The following THBS4 variants were observed in gnomAD, a reference collection of about 807,000 sequenced individuals.
THBS4 encodes the protein thrombospondin 4.
THBS4 carries 90 observed loss-of-function variants against 115.7 expected under a neutral mutation model. The observed-to-expected ratio is 0.78, with a 90% confidence interval of 0.66 to 0.93. The LOEUF is 0.93. Ranked by LOEUF, THBS4 falls within the 40% of genes least tolerant of loss-of-function variation. THBS4 has a pLI of 0.00. For synonymous variants in THBS4, 460 were observed against 479.3 expected, an observed-to-expected ratio of 0.96 and a Z score of 0.53; for missense variants, 1,087 against 1,232.7, an observed-to-expected ratio of 0.88 and a Z score of 1.77.
chr5:80,016,278 G>A (rs755931420), intron 2 of THBS4, among the ~76,000 whole-genome samples: 5 of 152,168 alleles, frequency 3.3e-5, no homozygotes, highest in African/African-American at 1.2e-4. Flanking sequence ...GATTATATGT[G>A]CTCAGCTGGC....
intron 2 of THBS4, among the ~76,000 whole-genome samples, chr5:80,022,795 C>T (rs559892195): frequency 4.1e-4 from 62 of 152,334 alleles, no homozygotes; most frequent in Non-Finnish European, 6.9e-4. Context: ...TGCAGTACAT[C>T]TCTTTTTTCA....
chr5:80,071,912 T>C (rs1834075324), intron 13 of THBS4: 2 of 203,616 alleles, frequency 9.8e-6, no homozygotes, highest in Admixed American at 1.0e-4. Flanking sequence ...AGGGACACAA[T>C]GGACCCAGCT....
chr5:80,010,261 C>A (rs1039828725), intron 2 of THBS4, among the ~76,000 whole-genome samples: 1 of 152,162 alleles, frequency 6.6e-6, no homozygotes, highest in Non-Finnish European at 1.5e-5. Flanking sequence ...ACTACACTTT[C>A]CCCAACTCCA....
Position 80,059,736 on chromosome 5 carries a change from C to T in THBS4, c.818C>T (p.Thr273Met), listed in dbSNP as rs114966377. The T allele has an allele frequency of 9.3e-4, 1,508 of 1,614,184 alleles. 14 individuals carry two copies. In the African/African-American group the frequency reaches 0.018, roughly 19 times the overall value. The change falls in exon 7 of 22, where the codon ACG becomes ATG. Residue 273 changes from threonine to methionine, a missense_variant. Physicochemically the swap from Thr to Met is moderately conservative, Grantham distance 81. This residue lies in a region of THBS4 where 979 missense variants were observed against 1,103.7 expected (regional missense o/e 0.89). Coordinates refer to ENST00000350881, the MANE Select transcript of THBS4 (RefSeq NM_003248.6). The part of the protein sequence containing the change: ...PLKFQSPTPS[T>M]VVPPAPPAPP... Reference sequence around the variant, plus strand: ...AAGTTTCAGTCTCCGACCCCAAGCACGGTGGTGCCCCCGGCTCCCCCTGCA... The same window carrying T: ...AAGTTTCAGTCTCCGACCCCAAGCATGGTGGTGCCCCCGGCTCCCCCTGCA...
intron 2 of THBS4, among the ~76,000 whole-genome samples, chr5:80,020,607 T>C (rs1832351796): frequency 6.6e-6 from 1 of 152,228 alleles, no homozygotes; most frequent in Non-Finnish European, 1.5e-5. Flanking sequence ...TGTGGATCGC[T>C]GACCCTGAAA....
chr5:80,060,815 A>G (rs1833607421), intron 7 of THBS4, among the ~76,000 whole-genome samples: 1 of 152,222 alleles, frequency 6.6e-6, no homozygotes, highest in Admixed American at 6.5e-5. Flanking sequence ...CAATGTTCAT[A>G]GCAGGTAGCA....
intron 2 of THBS4, among the ~76,000 whole-genome samples, chr5:80,051,086 T>A (rs1833239813): frequency 6.6e-6 from 1 of 152,052 alleles, no homozygotes; most frequent in South Asian, 2.1e-4. Flanking sequence ...TGTGTGGATG[T>A]GTTGGGATAA....
At chr5:80,040,054 C>T (rs1245477495) in intron 1 of THBS4, 23 bp from the exon 2 acceptor site, 20 of 1,608,436 alleles carry the variant, frequency 1.2e-5, no homozygotes, top group Non-Finnish European at 1.6e-5. Flanking sequence ...TCACTTATAC[C>T]CCTTCTTCTC....
In THBS4 at chr5:80,040,233, A is replaced by T. The variant is rs1296521439; in HGVS notation, c.245A>T (p.Asp82Val). The T allele has an allele frequency of 9.9e-6, 16 of 1,614,132 alleles. No homozygotes were observed. The highest frequency in any genetic ancestry group is 1.4e-5 in the Non-Finnish European group (16 of 1,180,002). ...ATCTTCGGTCTTTACTCTTCAACTGACAACAGTAAATATTTTGAATTTACT... is the reference window on the plus strand; with the variant it reads ...ATCTTCGGTCTTTACTCTTCAACTGTCAACAGTAAATATTTTGAATTTACT... The part of the protein sequence containing the change: ...ATIFGLYSST[D>V]NSKYFEFTVM... Residue 82 changes from aspartate to valine, a missense_variant, in exon 2 of 22, where the codon GAC becomes GTC. Asp to Val is a radical substitution (Grantham distance 152). Around this residue, in one of 3 missense-constraint regions of THBS4, gnomAD observed 979 missense variants for 1,103.7 expected, o/e 0.89. Transcript: ENST00000350881.
chr5:80,060,034 T>C, intron 7 of THBS4, 129 bp downstream of exon 7: 1 of 830,232 alleles, frequency 1.2e-6, no homozygotes, highest in Non-Finnish European at 1.9e-6. Context: ...TGAAACCACT[T>C]GCTTGGAGAC....
chr5:80,006,983 C>T (rs1033223206), intron 2 of THBS4, among the ~76,000 whole-genome samples: 2 of 152,192 alleles, frequency 1.3e-5, no homozygotes, highest in Non-Finnish European at 2.9e-5. Context: ...AGGCACTCTT[C>T]TAGATGCCTG....
intron 2 of THBS4, among the ~76,000 whole-genome samples, chr5:80,029,339 G>T (rs1832541287): frequency 6.6e-6 from 1 of 152,156 alleles, no homozygotes; most frequent in African/African-American, 2.4e-5. Context: ...CATATGGATG[G>T]ATAAATGTGT....
intron 7 of THBS4, among the ~76,000 whole-genome samples, chr5:80,060,773 A>C (rs1833606028): frequency 1.3e-5 from 2 of 152,216 alleles, no homozygotes; most frequent in African/African-American, 4.8e-5. Flanking sequence ...AAAAAAAAAC[A>C]TGGTTAGGCA....
At chr5:80,059,391 A>G in intron 5 of THBS4, 49 bp from the exon 6 acceptor site, 1 of 1,525,430 alleles carries the variant, frequency 6.6e-7, no homozygotes, top group South Asian at 1.1e-5. Flanking sequence ...TTCCTGGATG[A>G]TATCAGGCAT....
In THBS4 at chr5:80,070,656, A is replaced by T; in HGVS notation, c.1466A>T (p.Tyr489Phe). 1 of 1,614,166 alleles carries T rather than the reference A, an allele frequency of 6.2e-7. No individual in the cohort carries two copies. Among genetic ancestry groups the T allele is most frequent in the Non-Finnish European group, 8.5e-7 (1 of 1,180,012 alleles). ...TTTCCCCCTAAGGACAACTGCAAAT[A>T]TGTGCCAAATTCTGGCCAAGAAGAT... ...ARNCKKDNCK[Y>F]VPNSGQEDAD... The change falls in exon 12 of 22, where the codon TAT (tyrosine) becomes TTT (phenylalanine). Residue 489 changes from tyrosine to phenylalanine, a missense_variant. Physicochemically the swap from Tyr to Phe is conservative, Grantham distance 22. Coordinates refer to ENST00000350881, the MANE Select transcript of THBS4 (RefSeq NM_003248.6).
chr5:80,077,115 C>T (rs1189344295), intron 16 of THBS4, 67 bp downstream of exon 16: 17 of 1,411,214 alleles, frequency 1.2e-5, no homozygotes, highest in Middle Eastern at 2.6e-4. Context: ...CATGGGGGCA[C>T]GCCTCTCTCC....
intron 1 of THBS4, among the ~76,000 whole-genome samples, chr5:79,996,361 T>C (rs886581252): frequency 6.6e-6 from 1 of 152,222 alleles, no homozygotes; most frequent in African/African-American, 2.4e-5. Context: ...GGCCCCAGAA[T>C]GTAACAAGAT....
intron 5 of THBS4, 88 bp from the exon 6 acceptor site, chr5:80,059,352 A>G: frequency 1.6e-6 from 2 of 1,259,044 alleles, no homozygotes; most frequent in East Asian, 2.4e-5. Flanking sequence ...AAAAAGTGTT[A>G]CATAGATAGC....
chr5:80,052,662 A>G (rs913871820), intron 2 of THBS4: 3 of 151,856 alleles, frequency 2.0e-5, no homozygotes, highest in African/African-American at 7.3e-5. Flanking sequence ...TGTGTAGGTC[A>G]CAGAACCTCA....
Sources: allele counts gnomAD v4.1 joint callset (sites outside exome capture counted in the v4.1 genomes callset), GRCh38; gene constraint gnomAD v4.1.1; regional missense constraint gnomAD v4.1.1; transcripts MANE v1.5; gene names NCBI Gene and HGNC (gene_info 2026-07-23, HGNC 2026-07-21).